The following HADHA variants were observed in gnomAD, a reference collection of about 807,000 sequenced individuals.
HADHA encodes trifunctional enzyme subunit alpha, mitochondrial.
Under a neutral mutation model 91.3 loss-of-function variants are expected in HADHA, and 59 were observed. The observed-to-expected ratio is 0.65, with a 90% CI of 0.52 to 0.80. The LOEUF is 0.80. Ranked by LOEUF, HADHA falls within the 30% of genes least tolerant of loss-of-function variation. HADHA has a pLI of 0.00. For synonymous variants in HADHA, 320 were observed against 338.9 expected (o/e 0.94, Z 0.61); for missense variants, 800 against 927.6 (o/e 0.86, Z 1.79).
chr2:26,240,585 T>C (rs1004791281), intron 1 of HADHA, among the ~76,000 whole-genome samples: 1 of 152,036 alleles, frequency 6.6e-6, no homozygotes, highest in Non-Finnish European at 1.5e-5. Context: ...GAAACACAAA[T>C]ATGTTAGAAA....
chr2:26,193,803 G>A (rs1336906967), intron 16 of HADHA, 31 bp from the exon 17 acceptor site: 4 of 1,585,706 alleles, frequency 2.5e-6, no homozygotes, highest in Non-Finnish European at 3.5e-6. Context: ...GGACCTCAGG[G>A]GAAGGGCAGC....
At chr2:26,203,899 C>T (rs1420903046) in intron 12 of HADHA, among the ~76,000 whole-genome samples, 163 bp downstream of exon 12, 1 of 152,140 alleles carries the variant, frequency 6.6e-6, no homozygotes, top group African/African-American at 2.4e-5. Context: ...TCAAAAGAAA[C>T]TTGGCTTCAC....
intron 6 of HADHA, among the ~76,000 whole-genome samples, chr2:26,230,577 T>C (rs1574623257): frequency 6.6e-6 from 1 of 152,152 alleles, no homozygotes; most frequent in Non-Finnish European, 1.5e-5. Flanking sequence ...TTTCCTAAAA[T>C]TGTACATTTC....
At chr2:26,211,696 G>A (rs1387117826) in intron 10 of HADHA, among the ~76,000 whole-genome samples, 3 of 152,154 alleles carry the variant, frequency 2.0e-5, no homozygotes, top group Non-Finnish European at 1.5e-5. Flanking sequence ...TTATAAAAGA[G>A]CAACCATTCT....
chr2:26,214,068 A>G lies in HADHA; in HGVS notation c.918+375T>C, dbSNP rs540877477. Among the ~76,000 whole-genome samples, 53 of 152,340 alleles carry G rather than the reference A, an allele frequency of 3.5e-4. No homozygotes were observed. Among genetic ancestry groups the G allele is most frequent in the African/African-American group, 1.3e-3 (52 of 41,580 alleles). ...AAGAAGTCCTTGAGGGATTTTAGGTACTGACAATGATGTTGACCAAGAATA... is the reference window on the plus strand; with the variant it reads ...AAGAAGTCCTTGAGGGATTTTAGGTGCTGACAATGATGTTGACCAAGAATA... On this transcript the variant is annotated intron_variant, in intron 9 of 19. Coordinates refer to ENST00000380649, the MANE Select transcript of HADHA (RefSeq NM_000182.5). This position sits in a 1 kb window ranked among gnomAD's most constrained non-coding sequence, Gnocchi z 4.1.
chr2:26,218,784 G>A (rs998364660), intron 7 of HADHA, among the ~76,000 whole-genome samples: 6 of 152,008 alleles, frequency 3.9e-5, no homozygotes, highest in Non-Finnish European at 7.4e-5. Flanking sequence ...AAGGCAGGCA[G>A]ATCACTTGAA....
rs114747878 is a variant in HADHA at position 26,222,046 on chromosome 2, C to T, written c.677-6871G>A. On this transcript the variant is annotated intron_variant, in intron 7 of 19. Transcript: ENST00000380649. ...ATTCATATGTTGAAGTCCTATCCTCCAGTATCTCAGAATGTGACTGTAATT... is the reference window on the plus strand; with the variant it reads ...ATTCATATGTTGAAGTCCTATCCTCTAGTATCTCAGAATGTGACTGTAATT... 2.5e-3 allele frequency among the ~76,000 whole-genome samples: 381 copies of T among 152,250 alleles called. 1 individual carries two copies. Among genetic ancestry groups the T allele is most frequent in the Non-Finnish European group, 4.4e-3 (301 of 67,998 alleles).
At chr2:26,223,676 G>A (rs1316761276) in intron 7 of HADHA, among the ~76,000 whole-genome samples, 1 of 152,162 alleles carries the variant, frequency 6.6e-6, no homozygotes, top group South Asian at 2.1e-4. Flanking sequence ...TTTATATGGG[G>A]ACTTTGGCTG....
chr2:26,232,083 G>A lies in HADHA; in HGVS notation c.573+77C>T, dbSNP rs866967813. 4.1e-6 allele frequency: 4 copies of A among 986,458 alleles called. No individual in the cohort carries two copies. The Middle Eastern group carries it at 1.1e-3, about 262-fold the overall frequency. 61.1% of individuals were successfully genotyped at this position (986,458 alleles called of 1,614,324 possible). ...TTGGTTTTTTAATTCTACAATGAAT[G>A]CCCATATTATGCATTTTATACAAGA... On this transcript the variant is annotated intron_variant, in intron 6 of 19. Coordinates refer to ENST00000380649, the MANE Select transcript of HADHA (RefSeq NM_000182.5).
intron 13 of HADHA, 63 bp from the exon 14 acceptor site, chr2:26,197,840 C>T: frequency 1.2e-6 from 1 of 825,544 alleles, no homozygotes; most frequent in South Asian, 1.3e-5. Flanking sequence ...GAGGCCACAT[C>T]AAAGCTAATG....
At chr2:26,212,423 G>A in intron 10 of HADHA, 147 bp downstream of exon 10, 1 of 693,930 alleles carries the variant, frequency 1.4e-6, no homozygotes. Context: ...TGCTCACTGA[G>A]ATTAATCATA....
intron 3 of HADHA, among the ~76,000 whole-genome samples, chr2:26,238,155 A>T (rs1486449413): frequency 6.6e-6 from 1 of 152,130 alleles, no homozygotes; most frequent in African/African-American, 2.4e-5. Flanking sequence ...CTACAGGTGA[A>T]CATCACCATA....
At chr2:26,192,208 A>T in intron 18 of HADHA, 102 bp downstream of exon 18, 1 of 704,846 alleles carries the variant, frequency 1.4e-6, no homozygotes, top group South Asian at 1.6e-5. Flanking sequence ...GTATCCCAGG[A>T]CTTAAAGTAT....
rs2147782544 is a variant in HADHA, at chr2:26,234,322, T to C, written c.348A>G (p.Val116=). 1 of 1,613,402 alleles carries C rather than the reference T, an allele frequency of 6.2e-7. No homozygotes were observed. The highest frequency in any genetic ancestry group is 8.5e-7 in the Non-Finnish European group (1 of 1,179,278). The change falls in exon 5 of 20, where the codon GTA becomes GTG. Residue 116 remains valine, a synonymous_variant. Transcript: ENST00000380649. ...MLAACKTLQE[V]TQLSQEAQRI... ...TCTGTGCTTCTTGTGATAGCTGTGT[T>C]ACTTCTTGAAGGGTCTTGCAAGCGG...
At chr2:26,222,721 C>T (rs1670402978) in intron 7 of HADHA, among the ~76,000 whole-genome samples, 1 of 152,096 alleles carries the variant, frequency 6.6e-6, no homozygotes, top group African/African-American at 2.4e-5. Context: ...TCCCACAAAG[C>T]ACTGCTTCTT....
At chr2:26,222,368 G>A (rs1421547862) in intron 7 of HADHA, among the ~76,000 whole-genome samples, 1 of 152,174 alleles carries the variant, frequency 6.6e-6, no homozygotes, top group Non-Finnish European at 1.5e-5. Context: ...GGCAGCCCTA[G>A]CAAACTAATA....
intron 12 of HADHA, among the ~76,000 whole-genome samples, chr2:26,202,088 C>T (rs1037000555): frequency 8.6e-5 from 13 of 152,042 alleles, no homozygotes; most frequent in Non-Finnish European, 1.9e-4. Context: ...CGTGAGCCAC[C>T]GCGCCCAGCC....
chr2:26,202,747 C>T lies in HADHA; in HGVS notation c.1220+1315G>A, dbSNP rs889827140. Among the ~76,000 whole-genome samples the T allele has an allele frequency of 3.9e-5, 6 of 152,160 alleles. No homozygotes were observed. In the East Asian group the frequency reaches 1.2e-3, roughly 29 times the overall value. On this transcript the variant is annotated intron_variant, in intron 12 of 19. Transcript: ENST00000380649. ...TAGAGTGAGACTGTCTCAAAAGAAA[C>T]AAAAACATCAAATAAGGTCTTAAAA...
Position 26,201,280 on chromosome 2 carries a change from C to G in HADHA, c.1261G>C (p.Glu421Gln). 1 of 1,612,032 alleles carries G rather than the reference C, an allele frequency of 6.2e-7. No homozygotes were observed. The highest frequency in any genetic ancestry group is 1.3e-5 in the African/African-American group (1 of 75,012). ...KVKKKALTSF[E>Q]RDSIFSNLTG... ...AAGTTGCTGAAGATGGAATCCCTTT[C>G]AAATGATGTTAGAGCTTTCTTCTTC... The change falls in exon 13 of 20, where the codon GAA becomes CAA. Residue 421 changes from glutamate (E) to glutamine (Q), a missense_variant. Glu to Gln is a conservative substitution (Grantham distance 29). Transcript: ENST00000380649.
Sources: gnomAD v4.1 joint callset for allele counts (sites outside exome capture counted in the v4.1 genomes callset) on GRCh38, gnomAD v4.1.1 for gene constraint, Gnocchi (gnomAD v3.1) non-coding constraint, MANE v1.5 for transcripts, NCBI Gene and HGNC (gene_info 2026-07-23, HGNC 2026-07-21) for gene names.